Variants in COL21A1 observed in about 807,000 individuals in gnomAD.
COL21A1 encodes collagen type XXI alpha 1 chain.
COL21A1 carries 149 observed loss-of-function variants against 137.9 expected under a neutral mutation model. The ratio of observed to expected loss-of-function variants is 1.08; its 90% CI spans 0.95 to 1.24. The LOEUF (loss-of-function observed/expected upper bound fraction) is 1.24, where lower values mean the gene tolerates loss of function less well. Ranked by LOEUF, COL21A1 falls within the 50% of genes most tolerant of loss-of-function variation. The pLI, the probability that COL21A1 is intolerant of heterozygous loss-of-function variation, is 0.00. For missense variants in COL21A1, 1,167 were observed against 1,158.4 expected (o/e 1.01, Z -0.11); for synonymous variants, 456 against 391.5 (o/e 1.16, Z -1.95).
intron 1 of COL21A1, among the ~76,000 whole-genome samples, chr6:56,191,352 AG>A (rs1347010843): frequency 2.6e-5 from 4 of 151,766 alleles, no homozygotes; most frequent in Non-Finnish European, 5.9e-5. Flanking sequence ...TTTGGGAGGC[AG>A]AGGTGGGCGG....
At chr6:56,069,583 T>A (rs1413392331) in intron 21 of COL21A1, among the ~76,000 whole-genome samples, 4 of 150,398 alleles carry the variant, frequency 2.7e-5, no homozygotes, top group African/African-American at 9.7e-5. Context: ...CCAATATTTT[T>A]ATTTTGTTAT....
upstream of COL21A1, among the ~76,000 whole-genome samples, chr6:56,248,855 A>C (rs530120516): frequency 3.3e-5 from 5 of 151,986 alleles, no homozygotes; most frequent in African/African-American, 9.6e-5. Context: ...ATCTTCTTAG[A>C]TATGACACCA....
chr6:56,110,557 G>T (rs1771334170), intron 16 of COL21A1, among the ~76,000 whole-genome samples: 2 of 151,878 alleles, frequency 1.3e-5, no homozygotes, highest in African/African-American at 4.8e-5. Flanking sequence ...GTCTTTATTT[G>T]TAGTCAATAT....
At chr6:56,302,170 A>G (rs978047362) in intron 1 of COL21A1, among the ~76,000 whole-genome samples, 2 of 151,790 alleles carry the variant, frequency 1.3e-5, no homozygotes, top group African/African-American at 4.8e-5. Flanking sequence ...GCTATTGTGA[A>G]TAGTGCCACA....
At chr6:56,057,919 A>G in intron 29 of COL21A1, 75 bp from the exon 30 acceptor site, 1 of 1,021,596 alleles carries the variant, frequency 9.8e-7, no homozygotes, top group Non-Finnish European at 1.3e-6. Context: ...TCTGCAAGAA[A>G]CTTAAACTGA....
intron 1 of COL21A1, among the ~76,000 whole-genome samples, chr6:56,349,344 CT>C (rs1765661301): frequency 2.0e-5 from 2 of 101,206 alleles, no homozygotes; most frequent in Admixed American, 2.6e-4. Flanking sequence ...ACCCGCCCCC[CT>C]GAAAAAAAAA....
intron 1 of COL21A1, among the ~76,000 whole-genome samples, chr6:56,302,586 T>G (rs1764327476): frequency 1.3e-5 from 2 of 152,210 alleles, no homozygotes; most frequent in African/African-American, 4.8e-5. Flanking sequence ...GTTTGTTTTT[T>G]TCTTGTAAAT....
intron 1 of COL21A1, among the ~76,000 whole-genome samples, chr6:56,372,466 T>C (rs575394634): frequency 2.0e-5 from 3 of 152,278 alleles, no homozygotes; most frequent in Admixed American, 6.5e-5. Flanking sequence ...ATTCAGAAAG[T>C]ATTGGCAGGG....
At chr6:56,362,041 T>G (rs968338385) in intron 1 of COL21A1, among the ~76,000 whole-genome samples, 3 of 152,146 alleles carry the variant, frequency 2.0e-5, no homozygotes, top group African/African-American at 7.2e-5. Context: ...CTGAACACAA[T>G]GAGCGCTTGC....
chr6:56,162,997 T>C (rs1233024653), intron 9 of COL21A1, among the ~76,000 whole-genome samples: 1 of 152,220 alleles, frequency 6.6e-6, no homozygotes, highest in Non-Finnish European at 1.5e-5. Context: ...GAGATTTACT[T>C]TGAATGACAG....
chr6:56,110,255 C>CTTTT lies in COL21A1; in HGVS notation c.1759-8734_1759-8731dup, dbSNP rs35299623. 8.9e-4 allele frequency among the ~76,000 whole-genome samples: 108 copies of CTTTT among 121,918 alleles called. 1 individual carries two copies. The highest frequency in any genetic ancestry group is 3.1e-3 in the African/African-American group (101 of 32,684). 80.0% of individuals were successfully genotyped at this position (121,918 alleles called of 152,430 possible). The stretch of plus-strand genomic sequence containing the variant: ...ATCAAGTCAGTGAAGGCAGAAAAAG[C>CTTTT]TTTTTTTTTTTTTTTTTGCAAAATT... On this transcript the variant is annotated intron_variant, in intron 16 of 29. Transcript: ENST00000244728.
chr6:56,128,672 T>C (rs1265670768), intron 12 of COL21A1, among the ~76,000 whole-genome samples: 2 of 152,198 alleles, frequency 1.3e-5, no homozygotes, highest in African/African-American at 2.4e-5. Context: ...TTTTGTTTTT[T>C]GAGATGGAGT....
intron 17 of COL21A1, among the ~76,000 whole-genome samples, chr6:56,079,143 C>A (rs570999465): frequency 1.3e-4 from 19 of 151,784 alleles, no homozygotes; most frequent in African/African-American, 4.3e-4. Context: ...TACCCACACA[C>A]GTGTGAAAAT....
chr6:56,233,767 T>G (rs937152169), intron 1 of COL21A1, among the ~76,000 whole-genome samples: 1 of 150,338 alleles, frequency 6.7e-6, no homozygotes, highest in African/African-American at 2.4e-5. Context: ...CTATTTCATA[T>G]TTTTGTGAAA....
At chr6:56,292,343 C>T (rs1764065377) in intron 1 of COL21A1, among the ~76,000 whole-genome samples, 1 of 151,282 alleles carries the variant, frequency 6.6e-6, no homozygotes, top group East Asian at 1.9e-4. Context: ...AATTCAAAAA[C>T]TTCACTTTGA....
chr6:56,129,414 G>C (rs1015731981), intron 12 of COL21A1, among the ~76,000 whole-genome samples: 1 of 152,038 alleles, frequency 6.6e-6, no homozygotes, highest in Non-Finnish European at 1.5e-5. Flanking sequence ...AGCAACAAGA[G>C]GGAAAAACAC....
intron 1 of COL21A1, among the ~76,000 whole-genome samples, chr6:56,187,079 T>C (rs1778352954): frequency 6.6e-6 from 1 of 152,166 alleles, no homozygotes; most frequent in Non-Finnish European, 1.5e-5. Flanking sequence ...AATACATTTA[T>C]TTTTTATAGT....
intron 1 of COL21A1, among the ~76,000 whole-genome samples, chr6:56,348,855 A>C (rs1381492162): frequency 6.6e-6 from 1 of 152,212 alleles, no homozygotes; most frequent in African/African-American, 2.4e-5. Context: ...GTATCATTAG[A>C]ATCCTCACAT....
chr6:56,279,456 G>C lies in COL21A1; in HGVS notation c.-38-96800C>G, dbSNP rs545208416. 5.6e-4 allele frequency among the ~76,000 whole-genome samples: 85 copies of C among 152,250 alleles called. 1 individual carries two copies. Among genetic ancestry groups the C allele is most frequent in the Non-Finnish European group, 1.1e-3 (76 of 68,014 alleles). The stretch of plus-strand genomic sequence containing the variant: ...TTGCCTGGGACTCCTGTAGTTCCTG[G>C]AATTGCTGATAGCAACAGCAGGGGC... On this transcript the variant is annotated intron_variant, in intron 1 of 28. Transcript: ENST00000370819.
Sources: allele counts gnomAD v4.1 joint callset (sites outside exome capture counted in the v4.1 genomes callset), GRCh38; gene constraint gnomAD v4.1.1; transcripts MANE v1.5; gene names NCBI Gene and HGNC (gene_info 2026-07-23, HGNC 2026-07-21).